The following PCED1B variants were observed in gnomAD, a reference collection of about 807,000 sequenced individuals.
PCED1B encodes the protein PC-esterase domain-containing protein 1B.
For synonymous variants in PCED1B, 251 were observed against 246.1 expected (o/e 1.02, Z -0.19); for missense variants, 573 against 573.9 (o/e 1.00, Z 0.02).
chr12:47,142,979 A>G (rs1940652217), intron 2 of PCED1B, among the ~76,000 whole-genome samples: 4 of 152,196 alleles, frequency 2.6e-5, no homozygotes, highest in Admixed American at 2.6e-4. Flanking sequence ...TGATCATTTC[A>G]ATAGAAGCAG....
At position 47,134,860 on chromosome 12, in the gene PCED1B, C is replaced by G. The variant is rs146566943; in HGVS notation, c.-526+30665C>G. ...TACAGCCTGGTGACAGAGTGAGACT[C>G]TATCTCAAAAAGATATATACATGCA... is the stretch of plus-strand genomic sequence containing the variant. On this transcript the variant is annotated intron_variant, in intron 2 of 3. Coordinates refer to ENST00000546455, the MANE Select transcript of PCED1B (RefSeq NM_138371.3). Among the ~76,000 whole-genome samples the G allele has an allele frequency of 7.5e-3, 1,148 of 152,280 alleles. 10 individuals carry two copies. The highest frequency in any genetic ancestry group is 0.024 in the Middle Eastern group (7 of 294).
At position 47,188,435 on chromosome 12, in the gene PCED1B, G is replaced by T. The variant is rs1362384633; in HGVS notation, c.-525-27787G>T. On this transcript the variant is annotated intron_variant, in intron 2 of 3. Coordinates refer to ENST00000546455, the MANE Select transcript of PCED1B (RefSeq NM_138371.3). Reference sequence around the variant, plus strand: ...TATACTGTGAGCCATATATGTCCCTGAAGCTAATCTAATCTATCTCAATGA... The same window carrying T: ...TATACTGTGAGCCATATATGTCCCTTAAGCTAATCTAATCTATCTCAATGA... Among the ~76,000 whole-genome samples the T allele has an allele frequency of 2.0e-5, 3 of 152,186 alleles. No individual in the cohort carries two copies. In the East Asian group the frequency reaches 5.8e-4, roughly 29 times the overall value.
At chr12:47,110,638 C>T (rs1050037234) in intron 2 of PCED1B, among the ~76,000 whole-genome samples, 9 of 152,172 alleles carry the variant, frequency 5.9e-5, no homozygotes, top group Non-Finnish European at 1.3e-4. Flanking sequence ...GAGAAGCAGC[C>T]TCATCTTGAA....
chr12:47,115,242 C>T (rs1939365597), intron 2 of PCED1B, among the ~76,000 whole-genome samples: 1 of 152,088 alleles, frequency 6.6e-6, no homozygotes, highest in African/African-American at 2.4e-5. Context: ...CGGTGGTAAA[C>T]AGTTGAAGGG....
intron 2 of PCED1B, among the ~76,000 whole-genome samples, chr12:47,146,476 C>A (rs932092035): frequency 6.6e-6 from 1 of 152,136 alleles, no homozygotes; most frequent in African/African-American, 2.4e-5. Flanking sequence ...AAAAATCTTT[C>A]ATGAAAGGAA....
At chr12:47,110,018 T>C (rs1309701962) in intron 2 of PCED1B, among the ~76,000 whole-genome samples, 4 of 152,204 alleles carry the variant, frequency 2.6e-5, no homozygotes, top group Non-Finnish European at 4.4e-5. Context: ...AGATTCTACT[T>C]CATGTTGCCA....
At chr12:47,125,249 T>C (rs922731085) in intron 2 of PCED1B, among the ~76,000 whole-genome samples, 1 of 152,000 alleles carries the variant, frequency 6.6e-6, no homozygotes, top group Non-Finnish European at 1.5e-5. Context: ...ATTGTTCCAT[T>C]ACCATTTGTT....
chr12:47,117,347 CT>C (rs1433934884), intron 2 of PCED1B, among the ~76,000 whole-genome samples: 7 of 152,188 alleles, frequency 4.6e-5, no homozygotes, highest in African/African-American at 7.2e-5. Context: ...TCCCTCCCCC[CT>C]ACCTCCACCC....
intron 2 of PCED1B, among the ~76,000 whole-genome samples, chr12:47,154,512 G>C (rs937366964): frequency 2.6e-5 from 4 of 151,968 alleles, no homozygotes; most frequent in Non-Finnish European, 4.4e-5. Context: ...ATCTTAGTTG[G>C]TATCATAGTC....
chr12:47,139,633 A>G (rs74645074), intron 2 of PCED1B, among the ~76,000 whole-genome samples: 1 of 152,128 alleles, frequency 6.6e-6, no homozygotes, highest in Non-Finnish European at 1.5e-5. Flanking sequence ...TGTGCTGGGT[A>G]TGAAAGGGAA....
At chr12:47,194,588 T>C (rs1408136978) in intron 2 of PCED1B, among the ~76,000 whole-genome samples, 1 of 152,218 alleles carries the variant, frequency 6.6e-6, no homozygotes, top group Non-Finnish European at 1.5e-5. Flanking sequence ...TCAATCATTT[T>C]TGGCAAACTA....
intron 2 of PCED1B, among the ~76,000 whole-genome samples, chr12:47,152,896 C>T (rs574448629): frequency 6.6e-6 from 1 of 151,974 alleles, no homozygotes; most frequent in East Asian, 1.9e-4. Context: ...GATTGTGCCA[C>T]TCCACTCCAG....
At chr12:47,172,577 T>G (rs536309165) in intron 2 of PCED1B, among the ~76,000 whole-genome samples, 5 of 152,298 alleles carry the variant, frequency 3.3e-5, no homozygotes, top group African/African-American at 1.2e-4. Context: ...TGAAATAGCA[T>G]GAATTTTGTG....
chr12:47,173,855 T>G (rs1317163156), intron 2 of PCED1B, among the ~76,000 whole-genome samples: 1 of 152,232 alleles, frequency 6.6e-6, no homozygotes, highest in African/African-American at 2.4e-5. Context: ...GTTTCATATG[T>G]TTTAAAAGGC....
At chr12:47,224,790 T>C (rs1378473223) in intron 3 of PCED1B, among the ~76,000 whole-genome samples, 1 of 152,210 alleles carries the variant, frequency 6.6e-6, no homozygotes, top group Non-Finnish European at 1.5e-5. Flanking sequence ...TAGCCGTAGA[T>C]AGACGCAGGG....
chr12:47,080,840 C>G (rs1415558683), intron 1 of PCED1B, among the ~76,000 whole-genome samples: 2 of 152,154 alleles, frequency 1.3e-5, no homozygotes, highest in East Asian at 1.9e-4. Context: ...TTCGTTCTCT[C>G]TCTCTCATTT....
chr12:47,179,536 C>A (rs1463670825), intron 2 of PCED1B, among the ~76,000 whole-genome samples: 36 of 152,150 alleles, frequency 2.4e-4, no homozygotes, highest in Non-Finnish European at 2.4e-4. Flanking sequence ...ATTTTGTCAG[C>A]ATATTTCTAA....
At chr12:47,223,069 G>A (rs1381191364) in intron 3 of PCED1B, among the ~76,000 whole-genome samples, 1 of 152,132 alleles carries the variant, frequency 6.6e-6, no homozygotes, top group Non-Finnish European at 1.5e-5. Flanking sequence ...GAGCCCTTCA[G>A]TGGGCCTTGA....
chr12:47,201,861 A>G (rs1200954516), intron 2 of PCED1B, among the ~76,000 whole-genome samples: 1 of 152,136 alleles, frequency 6.6e-6, no homozygotes, highest in Non-Finnish European at 1.5e-5. Flanking sequence ...CGGCCTCTCG[A>G]AGTGCTGGAA....
Sources: allele counts gnomAD v4.1 joint callset (sites outside exome capture counted in the v4.1 genomes callset), GRCh38; gene constraint gnomAD v4.1.1; transcripts MANE v1.5; gene names NCBI Gene and HGNC (gene_info 2026-07-23, HGNC 2026-07-21).